Variants in RALYL observed in about 807,000 individuals in gnomAD.
RALYL encodes RNA-binding Raly-like protein.
Under a neutral mutation model 35.1 loss-of-function variants are expected in RALYL, and 29 were observed. That is an observed-to-expected ratio of 0.83 (90% CI 0.61 to 1.13). The LOEUF (loss-of-function observed/expected upper bound fraction) is 1.13, where lower values mean the gene tolerates loss of function less well. Among genes scored for constraint, RALYL ranks in the 50% most tolerant of loss-of-function variants. RALYL has a pLI of 0.00. For missense variants in RALYL, 359 were observed against 360.4 expected (o/e 1.00, Z 0.03); for synonymous variants, 120 against 127.6 (o/e 0.94, Z 0.40).
intron 2 of RALYL, among the ~76,000 whole-genome samples, chr8:84,688,428 A>G (rs1410167659): frequency 2.0e-5 from 3 of 152,146 alleles, no homozygotes; most frequent in Admixed American, 6.6e-5. Context: ...ATACAACCAC[A>G]CATATGTGAT....
At chr8:84,846,706 G>A (rs368763997) in intron 4 of RALYL, among the ~76,000 whole-genome samples, 2 of 152,146 alleles carry the variant, frequency 1.3e-5, no homozygotes, top group African/African-American at 4.8e-5. Flanking sequence ...TTACTGGTCT[G>A]TTCAGGTTTT....
chr8:84,844,889 G>C (rs1834275834), intron 4 of RALYL, among the ~76,000 whole-genome samples: 1 of 151,840 alleles, frequency 6.6e-6, no homozygotes. Flanking sequence ...AACGCCACAT[G>C]TTCTCACTCA....
Position 84,212,745 on chromosome 8 carries a change from C to G in RALYL, c.-24+28321C>G, listed in dbSNP as rs74590558. Among the ~76,000 whole-genome samples the G allele has an allele frequency of 8.5e-3, 1,297 of 152,164 alleles. 51 individuals carry two copies. The East Asian group carries it at 0.15, about 18-fold the overall frequency. ...TTCAATATTTCCCTAAAAATATGCT[C>G]TATGAGTTTATGAATATATACTTGA... On this transcript the variant is annotated intron_variant, in intron 1 of 8. Coordinates refer to ENST00000521268, the MANE Select transcript of RALYL (RefSeq NM_173848.7).
At chr8:84,582,198 G>A (rs1810990804) in intron 2 of RALYL, among the ~76,000 whole-genome samples, 1 of 152,042 alleles carries the variant, frequency 6.6e-6, no homozygotes. Flanking sequence ...TCCTTCCTAA[G>A]TGGTTAAGAA....
chr8:84,870,998 C>A (rs892826859), intron 6 of RALYL, among the ~76,000 whole-genome samples: 11 of 149,190 alleles, frequency 7.4e-5, no homozygotes, highest in Non-Finnish European at 1.2e-4. Flanking sequence ...GCATTTGCTG[C>A]CCCCCCATTC....
chr8:84,298,003 T>C (rs1276125169), intron 1 of RALYL, among the ~76,000 whole-genome samples: 1 of 152,170 alleles, frequency 6.6e-6, no homozygotes, highest in African/African-American at 2.4e-5. Context: ...ATTCTGTTGA[T>C]ACTTTCTTAT....
At chr8:84,629,320 G>C (rs747070306) in intron 2 of RALYL, among the ~76,000 whole-genome samples, 10 of 152,024 alleles carry the variant, frequency 6.6e-5, no homozygotes, top group South Asian at 2.1e-4. Context: ...AGAAATAAAA[G>C]TGACTACAAT....
intron 2 of RALYL, among the ~76,000 whole-genome samples, chr8:84,704,446 GACACACACACACACACAC>G (rs3068023): frequency 9.6e-6 from 1 of 104,034 alleles, no homozygotes; most frequent in Non-Finnish European, 2.2e-5. Context: ...AATACACACA[GACACACACACACACACAC>G]ACACACACAC....
intron 1 of RALYL, among the ~76,000 whole-genome samples, chr8:84,392,119 C>A (rs1249531616): frequency 6.6e-6 from 1 of 151,968 alleles, no homozygotes. Flanking sequence ...ATATGAAATC[C>A]TTTTCTGCTC....
intron 4 of RALYL, among the ~76,000 whole-genome samples, chr8:84,808,089 T>C (rs1044883831): frequency 6.6e-6 from 1 of 152,166 alleles, no homozygotes; most frequent in Admixed American, 6.5e-5. Flanking sequence ...GGCCAATGTC[T>C]AGAAGCATTT....
At chr8:84,691,225 G>A (rs1554780907) in intron 2 of RALYL, among the ~76,000 whole-genome samples, 1 of 150,838 alleles carries the variant, frequency 6.6e-6, no homozygotes, top group Non-Finnish European at 1.5e-5. Flanking sequence ...TGATAAATGG[G>A]CTTGTGATGA....
chr8:84,306,177 C>T (rs112117349), intron 1 of RALYL, among the ~76,000 whole-genome samples: 2 of 148,776 alleles, frequency 1.3e-5, no homozygotes, highest in Non-Finnish European at 3.0e-5. Flanking sequence ...AAAAAAAAAA[C>T]GAAAACCCCA....
chr8:84,493,120 A>T (rs1052455005), intron 1 of RALYL, among the ~76,000 whole-genome samples: 11 of 151,790 alleles, frequency 7.2e-5, no homozygotes, highest in African/African-American at 2.7e-4. Flanking sequence ...CCCTGTGTCC[A>T]TGTGTTCTCA....
intron 4 of RALYL, among the ~76,000 whole-genome samples, chr8:84,842,529 T>G (rs543627433): frequency 6.6e-6 from 1 of 151,970 alleles, no homozygotes; most frequent in South Asian, 2.1e-4. Context: ...AGCCGAATTC[T>G]ACCAGAGGTA....
intron 8 of RALYL, among the ~76,000 whole-genome samples, chr8:84,892,250 G>A (rs966590843): frequency 2.6e-5 from 4 of 152,216 alleles, no homozygotes; most frequent in African/African-American, 9.6e-5. Flanking sequence ...CTTGCTTTAT[G>A]TATGAAAGGA....
chr8:84,793,064 G>T (rs1434678104), intron 3 of RALYL, among the ~76,000 whole-genome samples: 1 of 152,190 alleles, frequency 6.6e-6, no homozygotes, highest in African/African-American at 2.4e-5. Context: ...AGTAGGCCAA[G>T]GTGGGTGGTG....
At chr8:84,773,246 T>C (rs1478475564) in intron 2 of RALYL, among the ~76,000 whole-genome samples, 4 of 152,228 alleles carry the variant, frequency 2.6e-5, no homozygotes, top group Non-Finnish European at 5.9e-5. Context: ...TCAAATCCCT[T>C]ACTTTCTTGC....
intron 1 of RALYL, among the ~76,000 whole-genome samples, chr8:84,414,104 A>C: frequency 6.6e-6 from 1 of 151,968 alleles, no homozygotes; most frequent in East Asian, 1.9e-4. Context: ...GTCTGAAAAA[A>C]TTCCTTCCAT....
intron 1 of RALYL, among the ~76,000 whole-genome samples, chr8:84,431,533 A>G (rs1488031268): frequency 1.3e-5 from 2 of 152,172 alleles, no homozygotes; most frequent in Non-Finnish European, 2.9e-5. Context: ...TCCTTTGGCC[A>G]GCATTTTCTC....
Sources: gnomAD v4.1 joint callset for allele counts (sites outside exome capture counted in the v4.1 genomes callset) on GRCh38, gnomAD v4.1.1 for gene constraint, MANE v1.5 for transcripts, NCBI Gene and HGNC (gene_info 2026-07-23, HGNC 2026-07-21) for gene names.